The following EEFSEC variants were observed in gnomAD, a reference collection of about 807,000 sequenced individuals.
EEFSEC encodes the protein eukaryotic elongation factor, selenocysteine-tRNA specific, also known as selenocysteine-specific elongation factor.
EEFSEC carries 43 observed loss-of-function variants against 42.1 expected under a neutral mutation model. That is an observed-to-expected ratio of 1.02 (90% confidence interval 0.80 to 1.32). EEFSEC has a LOEUF of 1.32. Among genes scored for constraint, EEFSEC ranks in the 40% most tolerant of loss-of-function variants. EEFSEC has a pLI of 0.00. For synonymous variants in EEFSEC, 354 were observed against 339.1 expected (o/e 1.04, Z -0.48); for missense variants, 745 against 803.6 (o/e 0.93, Z 0.88).
At position 128,219,303 on chromosome 3, in the gene EEFSEC, A is replaced by C. The variant is rs142781850; in HGVS notation, c.317-27533A>C. 1.8e-3 allele frequency among the ~76,000 whole-genome samples: 277 copies of C among 152,312 alleles called. 2 individuals carry two copies. The highest frequency in any genetic ancestry group is 6.4e-3 in the African/African-American group (267 of 41,570). On this transcript the variant is annotated intron_variant, in intron 1 of 6. Transcript: ENST00000254730. Reference sequence around the variant, plus strand: ...CACAGAGTGACCTTTTGAAACATCCATCAGGGTTATATCACTCCCCCACTT... The same window carrying C: ...CACAGAGTGACCTTTTGAAACATCCCTCAGGGTTATATCACTCCCCCACTT...
chr3:128,416,478 GC>G, the EEFSEC span, among the ~76,000 whole-genome samples: 1 of 152,178 alleles, frequency 6.6e-6, no homozygotes, highest in African/African-American at 2.4e-5. Context: ...CCTGCCTGGA[GC>G]ACCCCCACAC....
At chr3:128,248,494 G>A (rs975677252) in intron 2 of EEFSEC, among the ~76,000 whole-genome samples, 35 of 152,178 alleles carry the variant, frequency 2.3e-4, no homozygotes, top group African/African-American at 8.4e-4. Context: ...TCATCAATCC[G>A]ATAAAATCGA....
intron 1 of EEFSEC, among the ~76,000 whole-genome samples, chr3:128,190,878 T>C (rs2107803309): frequency 6.6e-6 from 1 of 152,350 alleles, no homozygotes; most frequent in East Asian, 1.9e-4. Context: ...TTGCCTGCAG[T>C]ATTTAGTACA....
intron 4 of EEFSEC, among the ~76,000 whole-genome samples, chr3:128,274,282 G>A (rs1023526207): frequency 1.3e-5 from 2 of 152,236 alleles, no homozygotes; most frequent in South Asian, 2.1e-4. Flanking sequence ...TTGTCTATCA[G>A]TGGGGTTGAC....
At chr3:128,346,653 A>G (rs1281728037) in intron 5 of EEFSEC, among the ~76,000 whole-genome samples, 2 of 152,202 alleles carry the variant, frequency 1.3e-5, no homozygotes, top group African/African-American at 4.8e-5. Context: ...AATAAATAAA[A>G]TGTGTCACTG....
intron 5 of EEFSEC, among the ~76,000 whole-genome samples, chr3:128,348,339 TC>T (rs2067342336): frequency 6.7e-6 from 1 of 148,202 alleles, no homozygotes; most frequent in Non-Finnish European, 1.5e-5. Context: ...AGTAAATTGC[TC>T]CTCATTTGAT....
At chr3:128,336,298 T>C (rs1330828296) in intron 4 of EEFSEC, among the ~76,000 whole-genome samples, 1 of 152,178 alleles carries the variant, frequency 6.6e-6, no homozygotes, top group East Asian at 1.9e-4. Flanking sequence ...CACCAAAATA[T>C]GTCTTGAACT....
chr3:128,401,418 C>T (rs2068047023), intron 6 of EEFSEC, among the ~76,000 whole-genome samples: 1 of 152,206 alleles, frequency 6.6e-6, no homozygotes, highest in African/African-American at 2.4e-5. Flanking sequence ...CCTCACAGGC[C>T]ACTGGGGGAG....
chr3:128,325,796 T>C (rs1400481316), intron 4 of EEFSEC, among the ~76,000 whole-genome samples: 1 of 152,218 alleles, frequency 6.6e-6, no homozygotes, highest in African/African-American at 2.4e-5. Flanking sequence ...AGAGAAAACA[T>C]TTTCCATGCT....
intron 1 of EEFSEC, among the ~76,000 whole-genome samples, chr3:128,164,773 T>C (rs1014755592): frequency 1.3e-5 from 2 of 152,132 alleles, no homozygotes; most frequent in African/African-American, 4.8e-5. Context: ...GGACCAGATC[T>C]CAGGAGCCGG....
intron 5 of EEFSEC, among the ~76,000 whole-genome samples, chr3:128,354,598 A>G (rs1327803587): frequency 1.3e-5 from 2 of 152,070 alleles, no homozygotes; most frequent in Non-Finnish European, 2.9e-5. Flanking sequence ...TAGCACTTAA[A>G]CTAACTTTGG....
chr3:128,185,039 A>G (rs909377663), intron 1 of EEFSEC, among the ~76,000 whole-genome samples: 2 of 152,178 alleles, frequency 1.3e-5, no homozygotes, highest in African/African-American at 4.8e-5. Context: ...TGAAAGAAGG[A>G]AAAAAACAAA....
At position 128,381,574 on chromosome 3, in the gene EEFSEC, T is replaced by A. The variant is rs527961109; in HGVS notation, c.1600+23201T>A. Among the ~76,000 whole-genome samples the A allele has an allele frequency of 1.6e-4, 25 of 152,180 alleles. 1 individual carries two copies. Among genetic ancestry groups the A allele is most frequent in the Non-Finnish European group, 3.1e-4 (21 of 68,020 alleles). On this transcript the variant is annotated intron_variant, in intron 6 of 6. Transcript: ENST00000254730. ...TCTGTACATTCATGCGTCAATCACC[T>A]CTGCGTGCCAACCCTCAGCTCAGGC...
intron 6 of EEFSEC, among the ~76,000 whole-genome samples, chr3:128,407,321 C>A (rs2068128077): frequency 6.6e-6 from 1 of 152,240 alleles, no homozygotes; most frequent in South Asian, 2.1e-4. Context: ...GCTGCGTATA[C>A]CCCTGGCAGA....
At chr3:128,382,856 C>T (rs1348370314) in intron 6 of EEFSEC, among the ~76,000 whole-genome samples, 1 of 152,234 alleles carries the variant, frequency 6.6e-6, no homozygotes, top group East Asian at 1.9e-4. Context: ...CTTCTCCCTC[C>T]AGGTTCCCCA....
intron 1 of EEFSEC, among the ~76,000 whole-genome samples, chr3:128,227,707 C>T (rs914028959): frequency 1.3e-5 from 2 of 152,124 alleles, no homozygotes; most frequent in Non-Finnish European, 1.5e-5. Flanking sequence ...GAATTGAGCC[C>T]GAGCTCAGTC....
intron 1 of EEFSEC, among the ~76,000 whole-genome samples, chr3:128,164,559 G>C (rs1402117487): frequency 2.6e-5 from 4 of 152,180 alleles, no homozygotes; most frequent in Non-Finnish European, 5.9e-5. Context: ...CACACAGGGG[G>C]GTGTGAAAGG....
chr3:128,372,920 T>A (rs1289884084), intron 6 of EEFSEC, among the ~76,000 whole-genome samples: 1 of 152,240 alleles, frequency 6.6e-6, no homozygotes, highest in Non-Finnish European at 1.5e-5. Context: ...CAGCCACTGC[T>A]GCTGTAGATG....
At chr3:128,413,472 G>A (rs1284889264), downstream of EEFSEC, among the ~76,000 whole-genome samples, 1 of 152,158 alleles carries the variant, frequency 6.6e-6, no homozygotes, top group African/African-American at 2.4e-5. Context: ...CTGGCAGTGT[G>A]GCCTGCGGCC....
Sources: gnomAD v4.1 joint callset for allele counts (sites outside exome capture counted in the v4.1 genomes callset) on GRCh38, gnomAD v4.1.1 for gene constraint, MANE v1.5 for transcripts, NCBI Gene and HGNC (gene_info 2026-07-23, HGNC 2026-07-21) for gene names.